ACTR3C: variants seen among roughly 807,000 people sequenced by gnomAD.
The protein encoded by ACTR3C is actin-related protein 3C.
A neutral mutation model predicts 26.3 loss-of-function variants in ACTR3C; 18 were observed. The observed-to-expected ratio is 0.68, with a 90% CI of 0.47 to 1.01. The LOEUF (loss-of-function observed/expected upper bound fraction) is 1.01, where lower values mean the gene tolerates loss of function less well. ACTR3C is among the 50% of genes least tolerant of loss of function. ACTR3C has a pLI of 0.00. For missense variants in ACTR3C, 184 were observed against 250.7 expected (o/e 0.73, Z 1.80); for synonymous variants, 55 against 94.5 (o/e 0.58, Z 2.42).
At chr7:150,097,918 G>A in the ACTR3C span, among the ~76,000 whole-genome samples, 1 of 151,654 alleles carries the variant, frequency 6.6e-6, no homozygotes, top group African/African-American at 2.4e-5. Flanking sequence ...GCTCTAAGCA[G>A]AGATGGCAAA....
chr7:150,204,418 G>A, the ACTR3C span, among the ~76,000 whole-genome samples: 1 of 149,142 alleles, frequency 6.7e-6, no homozygotes, highest in African/African-American at 2.5e-5. Flanking sequence ...CCAGAAGAGG[G>A]TAAAGACAGG....
chr7:149,886,851 T>C, the ACTR3C span, among the ~76,000 whole-genome samples: 15 of 151,678 alleles, frequency 9.9e-5, no homozygotes, highest in Middle Eastern at 3.4e-3. Flanking sequence ...TCCCAGCTAC[T>C]CAGGAAGGCG....
the ACTR3C span, among the ~76,000 whole-genome samples, chr7:150,199,226 T>A: frequency 8.1e-5 from 11 of 135,766 alleles, no homozygotes; most frequent in Non-Finnish European, 1.2e-4. Flanking sequence ...TAGAAAGAAG[T>A]AGACATGGGA....
the ACTR3C span, among the ~76,000 whole-genome samples, chr7:149,936,809 G>A: frequency 6.6e-6 from 1 of 151,948 alleles, no homozygotes; most frequent in South Asian, 2.1e-4. Flanking sequence ...TTATTTTTGA[G>A]ACAGGATCTT....
chr7:149,933,890 C>T, the ACTR3C span, among the ~76,000 whole-genome samples: 2 of 152,080 alleles, frequency 1.3e-5, no homozygotes, highest in Non-Finnish European at 2.9e-5. Flanking sequence ...TTCCACTCAA[C>T]ACTAGCAATG....
the ACTR3C span, among the ~76,000 whole-genome samples, chr7:150,070,695 C>T: frequency 6.6e-6 from 1 of 152,202 alleles, no homozygotes; most frequent in Non-Finnish European, 1.5e-5. Flanking sequence ...AAGTGATCTG[C>T]CCCCCTCAGC....
At chr7:149,991,860 G>A in the ACTR3C span, among the ~76,000 whole-genome samples, 1 of 152,210 alleles carries the variant, frequency 6.6e-6, no homozygotes, top group African/African-American at 2.4e-5. Context: ...CTCTGGAGTA[G>A]CTGGGACCGC....
the ACTR3C span, among the ~76,000 whole-genome samples, chr7:150,047,230 T>C: frequency 4.0e-5 from 6 of 151,138 alleles, no homozygotes; most frequent in African/African-American, 1.5e-4. Context: ...ACGAAATAAA[T>C]AAAAAATAAA....
At chr7:150,254,320 C>A (rs1321056390) in intron 6 of ACTR3C, among the ~76,000 whole-genome samples, 1 of 152,168 alleles carries the variant, frequency 6.6e-6, no homozygotes, top group Non-Finnish European at 1.5e-5. Context: ...AGACACATGG[C>A]AGAATCAAGT....
At chr7:150,186,516 GT>G in the ACTR3C span, among the ~76,000 whole-genome samples, 1 of 152,092 alleles carries the variant, frequency 6.6e-6, no homozygotes, top group African/African-American at 2.4e-5. Flanking sequence ...TAAAAAACAC[GT>G]TCTGGCCACT....
the ACTR3C span, among the ~76,000 whole-genome samples, chr7:149,960,368 G>A: frequency 0.071 from 10,810 of 152,120 alleles, 1,132 homozygotes; most frequent in African/African-American, 0.23. Context: ...GGCTTACCAG[G>A]GTAAATGAAA....
chr7:150,005,400 C>A, the ACTR3C span, among the ~76,000 whole-genome samples: 1 of 152,172 alleles, frequency 6.6e-6, no homozygotes, highest in Non-Finnish European at 1.5e-5. Context: ...GTCCACACGT[C>A]CTAGATGAAA....
the ACTR3C span, among the ~76,000 whole-genome samples, chr7:149,945,318 A>ACTGGCTGCAGGGTCTTGGGG: frequency 8.4e-6 from 1 of 118,872 alleles, no homozygotes; most frequent in Non-Finnish European, 1.9e-5. Flanking sequence ...TCCATCAGTG[A>ACTGGCTGCAGGGTCTTGGGG]CAACCTCCCA....
the ACTR3C span, among the ~76,000 whole-genome samples, chr7:150,043,277 C>T: frequency 2.9e-3 from 446 of 151,296 alleles, 4 homozygotes; most frequent in South Asian, 0.032. Flanking sequence ...GATGGGCGTC[C>T]TAAGCCAGTG....
At chr7:150,000,239 A>G in the ACTR3C span, among the ~76,000 whole-genome samples, 22 of 151,792 alleles carry the variant, frequency 1.4e-4, no homozygotes, top group Non-Finnish European at 2.8e-4. Context: ...ACAAATACCA[A>G]GATTTAAAAT....
the ACTR3C span, chr7:150,000,630 C>T: frequency 9.8e-6 from 1 of 102,122 alleles, no homozygotes; most frequent in African/African-American, 3.6e-5. Context: ...CCTTCTTGTT[C>T]TAATTCATGT....
the ACTR3C span, among the ~76,000 whole-genome samples, chr7:150,034,940 G>C: frequency 1.4e-5 from 2 of 147,782 alleles, no homozygotes; most frequent in Non-Finnish European, 3.0e-5. Flanking sequence ...ACAGCCAGGG[G>C]CGGAAGAGGG....
chr7:150,023,763 C>A, the ACTR3C span, among the ~76,000 whole-genome samples: 1,381 of 148,412 alleles, frequency 9.3e-3, 39 homozygotes, highest in African/African-American at 0.033. Flanking sequence ...TACTGAGACC[C>A]TATCTTGTGT....
the ACTR3C span, among the ~76,000 whole-genome samples, chr7:150,179,704 T>C: frequency 6.6e-6 from 1 of 151,644 alleles, no homozygotes; most frequent in South Asian, 2.1e-4. Flanking sequence ...TTGCCCAGAC[T>C]GGTCTTCAAT....
Sources: gnomAD v4.1 joint callset for allele counts (sites outside exome capture counted in the v4.1 genomes callset) on GRCh38, gnomAD v4.1.1 for gene constraint, MANE v1.5 for transcripts, NCBI Gene and HGNC (gene_info 2026-07-23, HGNC 2026-07-21) for gene names.